The following DGLUCY variants were observed in gnomAD, a reference collection of about 807,000 sequenced individuals.
DGLUCY encodes the protein D-glutamate cyclase, mitochondrial.
Under a neutral mutation model 58.5 loss-of-function variants are expected in DGLUCY, and 58 were observed. The observed-to-expected ratio is 0.99, with a 90% CI of 0.80 to 1.23. The LOEUF (loss-of-function observed/expected upper bound fraction) is 1.23, where lower values mean the gene tolerates loss of function less well. DGLUCY is among the 50% of genes most tolerant of loss of function. The pLI, the probability that DGLUCY is intolerant of heterozygous loss-of-function variation, is 0.00. For missense variants in DGLUCY, 779 were observed against 784.7 expected (o/e 0.99, Z 0.09); for synonymous variants, 325 against 314.1 (o/e 1.03, Z -0.37).
Position 91,225,050 on chromosome 14 carries a change from T to C in DGLUCY, c.*217T>C. 2.1e-6 allele frequency: 1 copy of C among 470,806 alleles called. No homozygotes were observed. The highest frequency in any genetic ancestry group is 3.6e-5 in the East Asian group (1 of 27,656). The allele number at this position is 470,806 out of a possible 1,614,324, so 29.2% of individuals were successfully genotyped here. A position where few individuals can be genotyped will look rare whatever the true frequency, so the allele number is the denominator to read the frequency against. ...ACATTTCTCTGGGGCTTTTTAACTT[T>C]TATTCCTAAGACTCTAAAGGCGTTG... On this transcript the variant is annotated 3_prime_UTR_variant, in exon 14 of 14. Coordinates refer to ENST00000256324, the MANE Select transcript of DGLUCY (RefSeq NM_001102368.3).
intron 1 of DGLUCY, among the ~76,000 whole-genome samples, chr14:91,147,059 GCATC>G (rs1454121155): frequency 6.6e-6 from 1 of 152,122 alleles, no homozygotes; most frequent in Non-Finnish European, 1.5e-5. Flanking sequence ...CCCTGATGGT[GCATC>G]CTCCTCCTGG....
chr14:91,215,193 C>A (rs1410307893), intron 12 of DGLUCY, among the ~76,000 whole-genome samples: 2 of 152,100 alleles, frequency 1.3e-5, no homozygotes, highest in African/African-American at 4.8e-5. Context: ...AAAGAAAATT[C>A]AGCTTGTTCC....
At chr14:91,123,677 C>T (rs1056734915) in intron 1 of DGLUCY, among the ~76,000 whole-genome samples, 4 of 152,018 alleles carry the variant, frequency 2.6e-5, no homozygotes, top group African/African-American at 9.7e-5. Context: ...ACCTCAACCC[C>T]CTGGGTGTAG....
intron 12 of DGLUCY, among the ~76,000 whole-genome samples, chr14:91,207,021 C>T (rs1479064797): frequency 4.0e-5 from 6 of 151,590 alleles, no homozygotes; most frequent in Non-Finnish European, 5.9e-5. Context: ...AGCCAGGTGT[C>T]GTGGTGCATA....
At chr14:91,163,840 G>A (rs917290589) in intron 3 of DGLUCY, among the ~76,000 whole-genome samples, 4 of 152,138 alleles carry the variant, frequency 2.6e-5, no homozygotes, top group African/African-American at 9.7e-5. Context: ...CACATAAAAA[G>A]CACTCAGTAA....
intron 1 of DGLUCY, among the ~76,000 whole-genome samples, chr14:91,075,150 T>C (rs893728319): frequency 6.6e-6 from 1 of 152,212 alleles, no homozygotes; most frequent in Admixed American, 6.5e-5. Flanking sequence ...TATTTGCCTT[T>C]CTTGCATTTT....
intron 1 of DGLUCY, among the ~76,000 whole-genome samples, chr14:91,156,710 A>G (rs2047639824): frequency 6.6e-6 from 1 of 152,194 alleles, no homozygotes. Context: ...GAAAAGAGAG[A>G]GCTCAGAGCA....
chr14:91,225,016 C>A lies in DGLUCY; in HGVS notation c.*183C>A. 1.9e-6 allele frequency: 1 copy of A among 533,678 alleles called. No homozygotes were observed. Among genetic ancestry groups the A allele is most frequent in the Non-Finnish European group, 3.1e-6 (1 of 327,674 alleles). 33.1% of individuals were successfully genotyped at this position (533,678 alleles called of 1,614,324 possible). On this transcript the variant is annotated 3_prime_UTR_variant, in exon 14 of 14. Coordinates refer to ENST00000256324, the MANE Select transcript of DGLUCY (RefSeq NM_001102368.3). ...GAGGGGTTAGTGCAGGTGCTGTGGA[C>A]AAAGGACAACATTTCTCTGGGGCTT...
chr14:91,102,779 G>A (rs2044514033), intron 1 of DGLUCY, among the ~76,000 whole-genome samples: 3 of 151,568 alleles, frequency 2.0e-5, no homozygotes, highest in Admixed American at 6.6e-5. Context: ...GTGTGTGTGT[G>A]TGTGTGTTTG....
chr14:91,198,688 A>G (rs2050369481), intron 10 of DGLUCY, among the ~76,000 whole-genome samples: 1 of 152,176 alleles, frequency 6.6e-6, no homozygotes, highest in South Asian at 2.1e-4. Context: ...TAGTCCTGCT[A>G]GTAATCATAG....
At chr14:91,086,145 C>G (rs2044214799) in intron 1 of DGLUCY, among the ~76,000 whole-genome samples, 1 of 152,160 alleles carries the variant, frequency 6.6e-6, no homozygotes. Flanking sequence ...TGATCTGTCA[C>G]TTTCTCCCAT....
Position 91,095,540 on chromosome 14 carries a change from G to T in DGLUCY, c.-82+34836G>T, listed in dbSNP as rs566077667. ...CTGGTAGAGTCAAGCCTCTTAAAAA[G>T]AATACACCATAGTTCAATCTGTTTC... On this transcript the variant is annotated intron_variant, in intron 1 of 4. Coordinates refer to the DGLUCY transcript ENST00000521334. Among the ~76,000 whole-genome samples, 3 of 152,280 alleles carry T rather than the reference G, an allele frequency of 2.0e-5. No individual in the cohort carries two copies. The South Asian group carries it at 6.2e-4, about 32-fold the overall frequency.
intron 1 of DGLUCY, among the ~76,000 whole-genome samples, chr14:91,157,119 GTGGATGGA>G (rs57118948): frequency 4.1e-4 from 54 of 131,164 alleles, no homozygotes; most frequent in Admixed American, 7.6e-4. Context: ...GGATGGATGG[GTGGATGGA>G]TGGATGGATG....
chr14:91,188,018 G>C (rs1424204125), intron 8 of DGLUCY, among the ~76,000 whole-genome samples: 1 of 152,044 alleles, frequency 6.6e-6, no homozygotes, highest in Non-Finnish European at 1.5e-5. Context: ...GTATTAGTTA[G>C]GGTTTGCTAG....
chr14:91,118,187 T>C (rs1177170175), intron 1 of DGLUCY, among the ~76,000 whole-genome samples: 2 of 149,626 alleles, frequency 1.3e-5, no homozygotes, highest in Non-Finnish European at 3.0e-5. Flanking sequence ...TTCAAGCGAT[T>C]CACCTCCTTC....
Position 91,184,186 on chromosome 14 carries a change from T to G in DGLUCY, c.934+2797T>G, listed in dbSNP as rs182973455. Among the ~76,000 whole-genome samples, 6 of 152,080 alleles carry G rather than the reference T, an allele frequency of 3.9e-5. No homozygotes were observed. In the East Asian group the frequency reaches 1.2e-3, roughly 30 times the overall value. On this transcript the variant is annotated intron_variant, in intron 8 of 13. Coordinates refer to ENST00000256324, the MANE Select transcript of DGLUCY (RefSeq NM_001102368.3). ...GACAGGACTGATTCCAGCACCAGTT[T>G]AAAGCCTACAGCAGCTGGGTAGAAC...
chr14:91,181,655 T>C (rs1410903782), intron 8 of DGLUCY, among the ~76,000 whole-genome samples: 2 of 147,662 alleles, frequency 1.4e-5, no homozygotes, highest in Admixed American at 1.4e-4. Context: ...CTTTCTTTTG[T>C]TTTCTTTCTT....
At chr14:91,157,231 GTGGATGGATGGA>G (rs1196165761) in intron 1 of DGLUCY, among the ~76,000 whole-genome samples, 4 of 94,910 alleles carry the variant, frequency 4.2e-5, no homozygotes, top group East Asian at 2.7e-4. Flanking sequence ...GGATGGATGG[GTGGATGGATGGA>G]TGGATGGATG....
intron 1 of DGLUCY, among the ~76,000 whole-genome samples, chr14:91,137,637 C>T (rs957765713): frequency 6.6e-5 from 10 of 151,838 alleles, no homozygotes; most frequent in Non-Finnish European, 1.3e-4. Flanking sequence ...CCTCATGATC[C>T]GCCCGCCTTA....
Sources: allele counts gnomAD v4.1 joint callset (sites outside exome capture counted in the v4.1 genomes callset), GRCh38; gene constraint gnomAD v4.1.1; transcripts MANE v1.5; gene names NCBI Gene and HGNC (gene_info 2026-07-23, HGNC 2026-07-21).